The following ZNF284 variants were observed in gnomAD, a reference collection of about 807,000 sequenced individuals.
The protein encoded by ZNF284 is zinc finger protein 284.
Under a neutral mutation model 12.9 loss-of-function variants are expected in ZNF284, and 12 were observed. The ratio of observed to expected loss-of-function variants is 0.93; its 90% CI spans 0.60 to 1.51. The LOEUF (loss-of-function observed/expected upper bound fraction) is 1.51, where lower values mean the gene tolerates loss of function less well. Ranked by LOEUF, ZNF284 falls within the 40% of genes most tolerant of loss-of-function variation. ZNF284 has a pLI of 0.00. For synonymous variants in ZNF284, 225 were observed against 236.5 expected, an observed-to-expected ratio of 0.95 and a Z score of 0.45; for missense variants, 667 against 707.3, an observed-to-expected ratio of 0.94 and a Z score of 0.65.
Position 44,085,705 on chromosome 19 carries a change from T to A in ZNF284, c.236-9T>A, listed in dbSNP as rs1445496662. 6.3e-7 allele frequency: 1 copy of A among 1,598,754 alleles called. No homozygotes were observed. The highest frequency in any genetic ancestry group is 8.5e-7 in the Non-Finnish European group (1 of 1,172,374). On this transcript the variant is annotated splice_polypyrimidine_tract_variant and intron_variant, in intron 4 of 4. Transcript: ENST00000421176. Reference sequence around the variant, plus strand: ...CTTACCCACATCTCTTAATTCTGTGTCCTTATAGGAGGCAAGATCCAAACT... The same window carrying A: ...CTTACCCACATCTCTTAATTCTGTGACCTTATAGGAGGCAAGATCCAAACT...
In ZNF284 at chr19:44,086,444, T is replaced by C. The variant is rs780254327; in HGVS notation, c.966T>C (p.Asn322=). ...EKSFRCDTCS[N]SFGQRSALNS... ...CATTTAGATGTGATACCTGTAGTAA[T>C]AGCTTTGGTCAGAGATCAGCACTTA... The change falls in exon 5 of 5, where the codon AAT becomes AAC. Residue 322 remains asparagine (N), a synonymous_variant. Coordinates refer to ENST00000421176, the MANE Select transcript of ZNF284 (RefSeq NM_001037813.4). The C allele has an allele frequency of 5.0e-6, 8 of 1,614,046 alleles. No individual in the cohort carries two copies. The highest frequency in any genetic ancestry group is 8.5e-7 in the Non-Finnish European group (1 of 1,180,038).
chr19:44,078,127 A>G (rs1967062555), intron 2 of ZNF284, among the ~76,000 whole-genome samples: 1 of 152,072 alleles, frequency 6.6e-6, no homozygotes, highest in Admixed American at 6.5e-5. Flanking sequence ...CAGAATGGAG[A>G]AAAAAATTCA....
At chr19:44,079,114 G>A (rs1268392721) in intron 2 of ZNF284, among the ~76,000 whole-genome samples, 3 of 152,054 alleles carry the variant, frequency 2.0e-5, no homozygotes, top group South Asian at 4.1e-4. Flanking sequence ...ATGATCAGAC[G>A]GGAGAGTAAG....
chr19:44,076,669 G>A (rs1967032451), intron 2 of ZNF284, among the ~76,000 whole-genome samples: 1 of 151,886 alleles, frequency 6.6e-6, no homozygotes, highest in South Asian at 2.1e-4. Flanking sequence ...CACTAATTAG[G>A]CATTTTTATT....
At position 44,082,059 on chromosome 19, in the gene ZNF284, A is replaced by C. The variant is rs778027999; in HGVS notation, c.189A>C (p.Glu63Asp). 3 of 1,613,920 alleles carry C rather than the reference A, an allele frequency of 1.9e-6. No individual in the cohort carries two copies. The South Asian group carries it at 3.3e-5, about 18-fold the overall frequency. Residue 63 changes from glutamate (E) to aspartate (D), a missense_variant, in exon 4 of 5, where the codon GAA becomes GAC. Glu to Asp is a conservative substitution (Grantham distance 45). Coordinates refer to ENST00000421176, the MANE Select transcript of ZNF284 (RefSeq NM_001037813.4). ...HRDTFHFQRE[E>D]KFWIMETATQ... ...ATACTTTTCACTTCCAAAGAGAAGA[A>C]AAGTTTTGGATCATGGAGACAGCAA...
chr19:44,080,161 A>T (rs1967099467), intron 2 of ZNF284, among the ~76,000 whole-genome samples: 1 of 152,214 alleles, frequency 6.6e-6, no homozygotes, highest in Non-Finnish European at 1.5e-5. Flanking sequence ...ACACACACTC[A>T]GTGTGATCAT....
chr19:44,085,589 T>C lies in ZNF284; in HGVS notation c.236-125T>C, dbSNP rs1967218996. The C allele has an allele frequency of 3.5e-6, 3 of 868,862 alleles. No homozygotes were observed. In the African/African-American group the frequency reaches 5.0e-5, roughly 15 times the overall value. The allele number at this position is 868,862 out of a possible 1,614,324, so 53.8% of individuals were successfully genotyped here. A position where few individuals can be genotyped will look rare whatever the true frequency, so the allele number is the denominator to read the frequency against. ...GTGACAACGAGAGACCGTGGTGCAC[T>C]TGGAAAACACAAACTGTACCTTCCT... On this transcript the variant is annotated intron_variant, in intron 4 of 4. Transcript: ENST00000421176.
In ZNF284 at chr19:44,076,305, TCCATGGC is replaced by T; in HGVS notation, c.-68-16_-68-10del. 7.1e-7 allele frequency: 1 copy of T among 1,417,266 alleles called. No homozygotes were observed. The highest frequency in any genetic ancestry group is 9.7e-7 in the Non-Finnish European group (1 of 1,030,846). The allele number at this position is 1,417,266 out of a possible 1,614,324, so 87.8% of individuals were successfully genotyped here. On this transcript the variant is annotated splice_polypyrimidine_tract_variant and intron_variant, in intron 1 of 4. Coordinates refer to ENST00000421176, the MANE Select transcript of ZNF284 (RefSeq NM_001037813.4). ...CATGTCTCTTTTTTTTTTTTTGCCT[TCCATGGC>T]ATGTTTCAGGCACAATTCTGTCTTC...
chr19:44,081,693 C>G (rs1297291005), intron 3 of ZNF284, among the ~76,000 whole-genome samples: 1 of 151,698 alleles, frequency 6.6e-6, no homozygotes, highest in Non-Finnish European at 1.5e-5. Context: ...GCCTGGGCGA[C>G]AGAGCGAGAC....
intron 2 of ZNF284, among the ~76,000 whole-genome samples, chr19:44,080,220 G>A (rs777006553): frequency 6.6e-6 from 1 of 152,156 alleles, no homozygotes; most frequent in Non-Finnish European, 1.5e-5. Flanking sequence ...ATTAATATAT[G>A]TAGTTTGCGT....
At chr19:44,082,299 G>A (rs1967140774) in intron 4 of ZNF284, among the ~76,000 whole-genome samples, 194 bp downstream of exon 4, 2 of 151,958 alleles carry the variant, frequency 1.3e-5, no homozygotes, top group Admixed American at 1.3e-4. Flanking sequence ...AGCAGCCAAA[G>A]TGATCCTTAG....
intron 1 of ZNF284, among the ~76,000 whole-genome samples, chr19:44,073,101 C>T (rs576453801): frequency 6.6e-6 from 1 of 152,222 alleles, no homozygotes. Flanking sequence ...TTCGCCACAC[C>T]GTGGCTCTGT....
Position 44,087,207 on chromosome 19 carries a change from G to A in ZNF284, c.1729G>A (p.Glu577Lys), listed in dbSNP as rs8113249. 0.82 allele frequency: 1,323,025 copies of A among 1,607,142 alleles called. 547,257 individuals carry two copies. The highest frequency in any genetic ancestry group is 0.87 in the African/African-American group (65,099 of 74,672). The change falls in exon 5 of 5, where the codon GAG becomes AAG. Residue 577 changes from glutamate to lysine, a missense_variant. Physicochemically the swap from Glu to Lys is moderately conservative, Grantham distance 56. Transcript: ENST00000421176. ...SKCEDCGKRY[E>K]RRLNLDMILS... ...ATGTGAGGACTGTGGGAAGCGCTAC[G>A]AGAGGCGCTTGAATCTAGATATGAT...
Position 44,081,997 on chromosome 19 carries a change from G to T in ZNF284, c.143-16G>T, listed in dbSNP as rs1344465373. ...CCTAAGATGTATTGGGATTAAGCAT[G>T]TGACTTTGTTCACAGGGCATCAACT... On this transcript the variant is annotated splice_polypyrimidine_tract_variant and intron_variant, in intron 3 of 4. Transcript: ENST00000421176. 6.2e-7 allele frequency: 1 copy of T among 1,607,672 alleles called. No homozygotes were observed. The highest frequency in any genetic ancestry group is 1.1e-5 in the South Asian group (1 of 90,838).
chr19:44,078,962 T>C (rs1967074942), intron 2 of ZNF284, among the ~76,000 whole-genome samples: 1 of 152,002 alleles, frequency 6.6e-6, no homozygotes, highest in Non-Finnish European at 1.5e-5. Flanking sequence ...GGCTAATTTT[T>C]GTATATTTTG....
At chr19:44,082,664 C>A (rs561110598) in intron 4 of ZNF284, among the ~76,000 whole-genome samples, 6 of 152,186 alleles carry the variant, frequency 3.9e-5, no homozygotes, top group Admixed American at 2.6e-4. Flanking sequence ...TGGGGAGAAG[C>A]CTTCACTTTA....
chr19:44,077,687 CTCTTA>C (rs1967054311), intron 2 of ZNF284, among the ~76,000 whole-genome samples: 2 of 151,906 alleles, frequency 1.3e-5, no homozygotes, highest in African/African-American at 4.8e-5. Flanking sequence ...CCTCATCTTC[CTCTTA>C]AATATGTGAA....
Position 44,081,152 on chromosome 19 carries a change from G to A in ZNF284, c.142+11G>A. ...ACCTGCTATCAGTGGGTGAGCACAGGCACCCTCTGTAATGGAACATCAGGC... is the reference window on the plus strand; with the variant it reads ...ACCTGCTATCAGTGGGTGAGCACAGACACCCTCTGTAATGGAACATCAGGC... On this transcript the variant is annotated intron_variant, in intron 3 of 4. Coordinates refer to ENST00000421176, the MANE Select transcript of ZNF284 (RefSeq NM_001037813.4). The A allele has an allele frequency of 6.2e-7, 1 of 1,606,712 alleles. No homozygotes were observed.
At position 44,087,981 on chromosome 19, in the gene ZNF284, C is replaced by A. The variant is rs1967291824; in HGVS notation, c.*721C>A. 6.6e-6 allele frequency: 1 copy of A among 152,182 alleles called. No homozygotes were observed. Among genetic ancestry groups the A allele is most frequent in the African/African-American group, 2.4e-5 (1 of 41,404 alleles). The allele number at this position is 152,182 out of a possible 1,614,324, so 9.4% of individuals were successfully genotyped here. ...GATGGGGTTTTGCCATATTGGCCAACCTGGACTTGAACTCCTGACTTCAGA... is the reference window on the plus strand; with the variant it reads ...GATGGGGTTTTGCCATATTGGCCAAACTGGACTTGAACTCCTGACTTCAGA... On this transcript the variant is annotated 3_prime_UTR_variant, in exon 5 of 5. Coordinates refer to ENST00000421176, the MANE Select transcript of ZNF284 (RefSeq NM_001037813.4).
Sources: allele counts gnomAD v4.1 joint callset (sites outside exome capture counted in the v4.1 genomes callset), GRCh38; gene constraint gnomAD v4.1.1; transcripts MANE v1.5; gene names NCBI Gene and HGNC (gene_info 2026-07-23, HGNC 2026-07-21).